Variants in TAFA1 observed in about 807,000 individuals in gnomAD.
The protein encoded by TAFA1 is TAFA chemokine like family member 1, also known as chemokine-like protein TAFA-1.
Under a neutral mutation model 18.5 loss-of-function variants are expected in TAFA1, and 4 were observed. The ratio of observed to expected loss-of-function variants is 0.22; its 90% CI spans 0.11 to 0.49. The LOEUF (loss-of-function observed/expected upper bound fraction) is 0.49, where lower values mean the gene tolerates loss of function less well. Among genes scored for constraint, TAFA1 ranks in the 20% least tolerant of loss-of-function variants. TAFA1 has a pLI of 0.98. For synonymous variants in TAFA1, 56 were observed against 55.2 expected (o/e 1.01, Z -0.06); for missense variants, 147 against 169.0 (o/e 0.87, Z 0.72).
chr3:68,007,687 C>G (rs1326081714), intron 2 of TAFA1, among the ~76,000 whole-genome samples: 1 of 148,276 alleles, frequency 6.7e-6, no homozygotes, highest in Non-Finnish European at 1.5e-5. Flanking sequence ...GTTTCTGATG[C>G]TCAGTTCTGA....
intron 2 of TAFA1, among the ~76,000 whole-genome samples, chr3:68,035,664 G>A (rs1705030888): frequency 6.6e-6 from 1 of 152,176 alleles, no homozygotes. Context: ...TTACGATGCA[G>A]AAATCCCACT....
At chr3:68,269,747 C>A (rs2067626147) in intron 2 of TAFA1, among the ~76,000 whole-genome samples, 1 of 152,238 alleles carries the variant, frequency 6.6e-6, no homozygotes, top group East Asian at 1.9e-4. Context: ...AATGGCAAGA[C>A]CCTATTTAAT....
chr3:68,201,452 A>T (rs1418678944), intron 2 of TAFA1, among the ~76,000 whole-genome samples: 1 of 151,466 alleles, frequency 6.6e-6, no homozygotes, highest in African/African-American at 2.4e-5. Flanking sequence ...TGCCTGCTGG[A>T]TCTATTCATT....
chr3:68,455,776 G>A (rs1360714905), intron 3 of TAFA1, among the ~76,000 whole-genome samples: 1 of 152,068 alleles, frequency 6.6e-6, no homozygotes, highest in Non-Finnish European at 1.5e-5. Flanking sequence ...GGAATTTATT[G>A]TTCCAGGATT....
chr3:68,496,136 C>T (rs781334853), intron 3 of TAFA1, among the ~76,000 whole-genome samples: 19 of 152,010 alleles, frequency 1.2e-4, no homozygotes, highest in Non-Finnish European at 2.4e-4. Flanking sequence ...GCAAGGCCTA[C>T]CCTTTTACGC....
intron 2 of TAFA1, among the ~76,000 whole-genome samples, chr3:68,167,638 A>G (rs1426884716): frequency 6.6e-6 from 1 of 152,010 alleles, no homozygotes; most frequent in Non-Finnish European, 1.5e-5. Context: ...GGGGGCCTCA[A>G]TCAATCAACC....
At chr3:68,315,996 G>A (rs1320333809) in intron 2 of TAFA1, among the ~76,000 whole-genome samples, 1 of 152,112 alleles carries the variant, frequency 6.6e-6, no homozygotes, top group Non-Finnish European at 1.5e-5. Flanking sequence ...GGCTCTGGAG[G>A]GCCCTGCATA....
intron 2 of TAFA1, among the ~76,000 whole-genome samples, chr3:68,038,724 A>G (rs911996432): frequency 6.6e-5 from 10 of 152,316 alleles, no homozygotes; most frequent in Non-Finnish European, 1.3e-4. Flanking sequence ...CAGAAAAGCA[A>G]TGACATTAAA....
intron 2 of TAFA1, among the ~76,000 whole-genome samples, chr3:68,026,525 C>T (rs531718619): frequency 6.6e-5 from 10 of 152,026 alleles, no homozygotes; most frequent in African/African-American, 9.7e-5. Context: ...TGTGCCCTAC[C>T]CTAAGCACTG....
At chr3:67,997,288 A>G in the TAFA1 span, among the ~76,000 whole-genome samples, 1 of 152,210 alleles carries the variant, frequency 6.6e-6, no homozygotes. Context: ...TACCAGATAC[A>G]CTGATATGCA....
intron 2 of TAFA1, among the ~76,000 whole-genome samples, chr3:68,111,572 A>G (rs946409154): frequency 6.6e-6 from 1 of 152,140 alleles, no homozygotes; most frequent in Admixed American, 6.6e-5. Flanking sequence ...TACAGCATAA[A>G]CATCAGATTA....
intron 2 of TAFA1, among the ~76,000 whole-genome samples, chr3:68,165,619 T>C (rs1024942421): frequency 2.0e-5 from 3 of 152,238 alleles, no homozygotes; most frequent in Admixed American, 6.5e-5. Flanking sequence ...CATAATTAAC[T>C]AGCATCCTAG....
intron 2 of TAFA1, among the ~76,000 whole-genome samples, chr3:68,075,197 C>T (rs1297211708): frequency 1.3e-5 from 2 of 152,182 alleles, no homozygotes; most frequent in Admixed American, 6.5e-5. Flanking sequence ...GATTGCCTGA[C>T]CTTCTGTATA....
At position 68,154,788 on chromosome 3, in the gene TAFA1, A is replaced by G. The variant is rs115543615; in HGVS notation, c.118+148044A>G. On this transcript the variant is annotated intron_variant, in intron 2 of 4. Coordinates refer to ENST00000478136, the MANE Select transcript of TAFA1 (RefSeq NM_213609.4). ...TCTTAAGTACACACGCACCCCACAC[A>G]CTTCTATTCTCCCCAGTGCCCTTGG... Among the ~76,000 whole-genome samples the G allele has an allele frequency of 9.3e-3, 1,409 of 152,024 alleles. 24 individuals are homozygous for G. The highest frequency in any genetic ancestry group is 0.032 in the African/African-American group (1,322 of 41,476).
At position 68,411,712 on chromosome 3, in the gene TAFA1, T is replaced by G. The variant is rs1360401089; in HGVS notation, c.119-5568T>G. Among the ~76,000 whole-genome samples the G allele has an allele frequency of 3.3e-5, 5 of 152,188 alleles. No homozygotes were observed. The East Asian group carries it at 9.6e-4, about 29-fold the overall frequency. On this transcript the variant is annotated intron_variant, in intron 2 of 4. Coordinates refer to ENST00000478136, the MANE Select transcript of TAFA1 (RefSeq NM_213609.4). ...TAGAGTAGAGGTAACTGAGCCCCCT[T>G]GGATAATCCATAAAGTCCCACAAAA...
chr3:68,506,086 G>A (rs980880309), intron 3 of TAFA1, among the ~76,000 whole-genome samples: 1 of 151,578 alleles, frequency 6.6e-6, no homozygotes, highest in African/African-American at 2.4e-5. Context: ...TCCCCCCTCT[G>A]TGTCCATGTG....
At chr3:68,047,977 T>C (rs573309135) in intron 2 of TAFA1, among the ~76,000 whole-genome samples, 2 of 152,212 alleles carry the variant, frequency 1.3e-5, no homozygotes, top group Admixed American at 1.3e-4. Flanking sequence ...ACAGCTGCAG[T>C]AACCATCTTC....
intron 2 of TAFA1, among the ~76,000 whole-genome samples, chr3:68,343,462 A>G (rs2069117228): frequency 6.6e-6 from 1 of 152,208 alleles, no homozygotes; most frequent in Admixed American, 6.5e-5. Context: ...AATGTTATGT[A>G]TGATAGTAGT....
intron 2 of TAFA1, among the ~76,000 whole-genome samples, chr3:68,356,109 C>T (rs262248): frequency 0.51 from 77,750 of 151,636 alleles, 20,353 homozygotes; most frequent in East Asian, 0.72. Flanking sequence ...AACATTTCCA[C>T]CACAATAGAA....
Sources: gnomAD v4.1 joint callset for allele counts (sites outside exome capture counted in the v4.1 genomes callset) on GRCh38, gnomAD v4.1.1 for gene constraint, MANE v1.5 for transcripts, NCBI Gene and HGNC (gene_info 2026-07-23, HGNC 2026-07-21) for gene names.